DOT1L: variants seen among roughly 807,000 people sequenced by gnomAD.
DOT1L encodes the protein DOT1 like histone lysine methyltransferase, also known as histone-lysine N-methyltransferase, H3 lysine-79 specific.
DOT1L carries 33 observed loss-of-function variants against 153.3 expected under a neutral mutation model. The ratio of observed to expected loss-of-function variants is 0.22; its 90% confidence interval spans 0.16 to 0.29. DOT1L has a LOEUF of 0.29. Among genes scored for constraint, DOT1L ranks in the 10% least tolerant of loss-of-function variants. The pLI is 1.00. For synonymous variants in DOT1L, 1,135 were observed against 965.1 expected, an observed-to-expected ratio of 1.18 and a Z score of -3.26; for missense variants, 1,847 against 2,119.9, an observed-to-expected ratio of 0.87 and a Z score of 2.53.
chr19:2,224,201 C>T (rs932551115), intron 25 of DOT1L, among the ~76,000 whole-genome samples: 3 of 152,170 alleles, frequency 2.0e-5, no homozygotes, highest in Non-Finnish European at 2.9e-5. Flanking sequence ...TTACCCTGGG[C>T]GGTTGTGAGC....
In DOT1L at chr19:2,216,769, A is replaced by G. The variant is rs947961021; in HGVS notation, c.2408+4A>G. 1.3e-6 allele frequency: 2 copies of G among 1,586,128 alleles called. No individual in the cohort carries two copies. The highest frequency in any genetic ancestry group is 1.7e-6 in the Non-Finnish European group (2 of 1,170,188). On this transcript the variant is annotated splice_donor_region_variant and intron_variant, in intron 20 of 27. Transcript: ENST00000398665. Reference sequence around the variant, plus strand: ...CTGCCAGTGAGCTGCATTCGAGGTGAGTGCCCTGGTGGGGCTGGGGGTCTG... The same window carrying G: ...CTGCCAGTGAGCTGCATTCGAGGTGGGTGCCCTGGTGGGGCTGGGGGTCTG...
chr19:2,227,201 C>CCGCA (rs1568373943), intron 27 of DOT1L, 74 bp downstream of exon 27: 1 of 1,553,744 alleles, frequency 6.4e-7, no homozygotes, highest in East Asian at 2.2e-5. Flanking sequence ...AGGTTCCCTT[C>CCGCA]CGCACTCTCT....
intron 8 of DOT1L, among the ~76,000 whole-genome samples, chr19:2,202,161 C>T (rs1341165348): frequency 6.6e-6 from 1 of 152,226 alleles, no homozygotes; most frequent in Non-Finnish European, 1.5e-5. Flanking sequence ...TTTGAGGATG[C>T]CTGGCCTGGG....
chr19:2,227,978 C>G (rs540215748), intron 27 of DOT1L: 1 of 1,274,562 alleles, frequency 7.8e-7, no homozygotes, highest in South Asian at 1.3e-5. Flanking sequence ...CGGGGCCGCC[C>G]GTCCTCCACG....
Position 2,223,327 on chromosome 19 carries a change from C to T in DOT1L, c.3437C>T (p.Pro1146Leu), listed in dbSNP as rs774144803. The T allele has an allele frequency of 5.0e-6, 8 of 1,613,592 alleles. No individual in the cohort carries two copies. Among genetic ancestry groups the T allele is most frequent in the Non-Finnish European group, 5.1e-6 (6 of 1,179,990 alleles). The change falls in exon 25 of 28, where the codon CCG becomes CTG. Residue 1146 changes from proline (P) to leucine (L), a missense_variant. Around this residue, in one of 8 missense-constraint regions of DOT1L, gnomAD observed 934 missense variants for 825.3 expected, o/e 1.13. Coordinates refer to ENST00000398665, the MANE Select transcript of DOT1L (RefSeq NM_032482.3). ...QPLEITAISS[P>L]ETSLKSSPVP... ...CTGGAGATTACAGCCATCTCGTCCC[C>T]GGAGACCTCCCTGAAGAGCTCCCCT...
chr19:2,207,767 C>T lies in DOT1L; in HGVS notation c.963+87C>T, dbSNP rs771770586. On this transcript the variant is annotated intron_variant, in intron 11 of 27. Transcript: ENST00000398665. This position sits in a 1 kb window ranked among gnomAD's most constrained non-coding sequence, Gnocchi z 4.5. The stretch of plus-strand genomic sequence containing the variant: ...CACTGCTCTCTCCTTTCTCATGTGG[C>T]CTCTGAGACCCTCCCCTCAGAGCCC... The T allele has an allele frequency of 3.1e-5, 38 of 1,212,768 alleles. No individual in the cohort carries two copies. The highest frequency in any genetic ancestry group is 3.5e-5 in the Non-Finnish European group (31 of 875,346). The allele number at this position is 1,212,768 out of a possible 1,614,324, so 75.1% of individuals were successfully genotyped here. A position where few individuals can be genotyped will look rare whatever the true frequency, so the allele number is the denominator to read the frequency against.
At position 2,232,185 on chromosome 19, in the gene DOT1L, G is replaced by C. The variant is rs1243214173; in HGVS notation, c.*2393G>C. ...CTGTGGGTGGGCGGGCGGCGCCTGG[G>C]AGTGGCTCTTGCTCAGGAATTGATA... is the stretch of plus-strand genomic sequence containing the variant. On this transcript the variant is annotated 3_prime_UTR_variant, in exon 28 of 28. Coordinates refer to ENST00000398665, the MANE Select transcript of DOT1L (RefSeq NM_032482.3). 1.8e-5 allele frequency: 4 copies of C among 224,190 alleles called. No homozygotes were observed. Among genetic ancestry groups the C allele is most frequent in the African/African-American group, 9.0e-5 (4 of 44,670 alleles). 13.9% of individuals were successfully genotyped at this position (224,190 alleles called of 1,614,324 possible).
chr19:2,227,209 T>C (rs1479603406), intron 27 of DOT1L, 82 bp downstream of exon 27: 4 of 1,535,416 alleles, frequency 2.6e-6, no homozygotes, highest in South Asian at 1.1e-5. Flanking sequence ...TTCCGCACTC[T>C]CTTGCAGCAG....
intron 1 of DOT1L, among the ~76,000 whole-genome samples, chr19:2,174,711 C>T (rs2021824004): frequency 6.6e-6 from 1 of 151,432 alleles, no homozygotes; most frequent in East Asian, 1.9e-4. Flanking sequence ...CCTTGAACTC[C>T]TGGGCTCAAG....
intron 1 of DOT1L, among the ~76,000 whole-genome samples, chr19:2,170,097 A>G (rs1366980679): frequency 6.6e-6 from 1 of 152,206 alleles, no homozygotes; most frequent in Non-Finnish European, 1.5e-5. Context: ...TCATGCCATT[A>G]CACTCCAGAC....
chr19:2,223,722 G>A (rs949891465), intron 25 of DOT1L, among the ~76,000 whole-genome samples: 7 of 152,250 alleles, frequency 4.6e-5, no homozygotes, highest in Admixed American at 6.5e-5. Context: ...CCATCGGTTA[G>A]AAGAGGCAAG....
At chr19:2,223,874 T>G (rs2024224364) in intron 25 of DOT1L, among the ~76,000 whole-genome samples, 1 of 152,170 alleles carries the variant, frequency 6.6e-6, no homozygotes, top group Admixed American at 6.5e-5. Flanking sequence ...AGTGTGCAAT[T>G]CAGAGGTCTT....
At chr19:2,215,293 C>G (rs2023857372) in intron 19 of DOT1L, among the ~76,000 whole-genome samples, 1 of 152,186 alleles carries the variant, frequency 6.6e-6, no homozygotes, top group Non-Finnish European at 1.5e-5. Flanking sequence ...TACTTTCTGA[C>G]ACCGAGAAAC....
At chr19:2,168,425 C>T (rs2020008666) in intron 1 of DOT1L, among the ~76,000 whole-genome samples, 1 of 152,156 alleles carries the variant, frequency 6.6e-6, no homozygotes, top group African/African-American at 2.4e-5. Flanking sequence ...CCCTGGGGGA[C>T]CTGTGGGTGG....
Position 2,208,469 on chromosome 19 carries a change from C to T in DOT1L, c.964-466C>T, listed in dbSNP as rs2023588044. On this transcript the variant is annotated intron_variant, in intron 11 of 27. Transcript: ENST00000398665. This position sits in a 1 kb window ranked among gnomAD's most constrained non-coding sequence, Gnocchi z 4.4. ...CGCCCTCCCACTGCTCCCCCGAGGG[C>T]CCTGGGACGAGAGGCATGGTGAGCT... 6.6e-6 allele frequency among the ~76,000 whole-genome samples: 1 copy of T among 152,144 alleles called. No homozygotes were observed. Among genetic ancestry groups the T allele is most frequent in the South Asian group, 2.1e-4 (1 of 4,834 alleles).
Position 2,221,970 on chromosome 19 carries a change from C to T in DOT1L, c.2807-6C>T, listed in dbSNP as rs757678750. 46 of 1,595,958 alleles carry T rather than the reference C, an allele frequency of 2.9e-5. 1 individual carries two copies. Among genetic ancestry groups the T allele is most frequent in the East Asian group, 2.5e-4 (11 of 44,526 alleles). ...TCCCCTGAGACCCCCATGTCCTTCC[C>T]GGCAGGCTTCTCCTACGCTGGCTCG... is the stretch of plus-strand genomic sequence containing the variant. On this transcript the variant is annotated splice_region_variant and splice_polypyrimidine_tract_variant and intron_variant, in intron 23 of 27. Coordinates refer to ENST00000398665, the MANE Select transcript of DOT1L (RefSeq NM_032482.3).
chr19:2,208,901 C>T lies in DOT1L; in HGVS notation c.964-34C>T. ...ACAAATCCGAACAGAGATTGGGACT[C>T]CCTTCTAATCAGGGTTCTCTTTCTT... is the stretch of plus-strand genomic sequence containing the variant. On this transcript the variant is annotated intron_variant, in intron 11 of 27. Coordinates refer to ENST00000398665, the MANE Select transcript of DOT1L (RefSeq NM_032482.3). The surrounding 1 kb of genome is among the most constrained non-coding windows in gnomAD (Gnocchi z 4.4). 1.9e-6 allele frequency: 3 copies of T among 1,606,398 alleles called. No individual in the cohort carries two copies. Among genetic ancestry groups the T allele is most frequent in the South Asian group, 2.2e-5 (2 of 89,994 alleles).
chr19:2,227,360 CAGA>C (rs1452811832), intron 27 of DOT1L: 4 of 729,740 alleles, frequency 5.5e-6, no homozygotes, highest in Non-Finnish European at 1.0e-5. Context: ...CTCTTGTTTT[CAGA>C]AGGCCACCGT....
intron 3 of DOT1L, among the ~76,000 whole-genome samples, chr19:2,189,226 G>A (rs1599558340): frequency 6.6e-6 from 1 of 152,200 alleles, no homozygotes; most frequent in East Asian, 1.9e-4. Flanking sequence ...GTGGGGGTGA[G>A]GCATCTTCCT....
Sources: allele counts gnomAD v4.1 joint callset (sites outside exome capture counted in the v4.1 genomes callset), GRCh38; gene constraint gnomAD v4.1.1; regional missense constraint gnomAD v4.1.1; non-coding constraint Gnocchi (gnomAD v3.1); transcripts MANE v1.5; gene names NCBI Gene and HGNC (gene_info 2026-07-23, HGNC 2026-07-21).